LSAMP: variants seen among roughly 807,000 people sequenced by gnomAD.
LSAMP encodes limbic system-associated membrane protein.
Under a neutral mutation model 38.6 loss-of-function variants are expected in LSAMP, and 7 were observed. The ratio of observed to expected loss-of-function variants is 0.18; its 90% CI spans 0.10 to 0.34. LSAMP has a LOEUF of 0.34. LSAMP is among the 10% of genes least tolerant of loss of function. The pLI is 1.00. For synonymous variants in LSAMP, 154 were observed against 166.8 expected (o/e 0.92, Z 0.59); for missense variants, 313 against 420.0 (o/e 0.75, Z 2.23).
intron 1 of LSAMP, among the ~76,000 whole-genome samples, chr3:116,152,333 A>G (rs1286510591): frequency 6.6e-6 from 1 of 152,142 alleles, no homozygotes; most frequent in Non-Finnish European, 1.5e-5. Flanking sequence ...ATTTATCTGC[A>G]ATCGGTACCC....
At chr3:115,869,763 T>C (rs16824191) in intron 3 of LSAMP, among the ~76,000 whole-genome samples, 3,497 of 152,228 alleles carry the variant, frequency 0.023, 54 homozygotes, top group Non-Finnish European at 0.034. Flanking sequence ...ACTTGTAAAA[T>C]GTTAGATTGT....
At chr3:116,325,603 C>T (rs2047759949) in intron 1 of LSAMP, among the ~76,000 whole-genome samples, 1 of 152,152 alleles carries the variant, frequency 6.6e-6, no homozygotes, top group Admixed American at 6.6e-5. Flanking sequence ...AACAGAAGAT[C>T]TCACCATCCT....
chr3:115,828,430 G>C (rs536175136), intron 6 of LSAMP, among the ~76,000 whole-genome samples: 1 of 152,256 alleles, frequency 6.6e-6, no homozygotes, highest in South Asian at 2.1e-4. Flanking sequence ...CCAGAACTAA[G>C]TTCCCAAAGG....
At chr3:116,394,130 T>C (rs2048738638) in intron 1 of LSAMP, among the ~76,000 whole-genome samples, 1 of 152,204 alleles carries the variant, frequency 6.6e-6, no homozygotes. Flanking sequence ...ACCCCACATG[T>C]ATCGGGTTAG....
chr3:116,244,857 T>C (rs2046584885), intron 1 of LSAMP, among the ~76,000 whole-genome samples: 1 of 152,226 alleles, frequency 6.6e-6, no homozygotes, highest in Admixed American at 6.5e-5. Context: ...AGAAATATAT[T>C]TCTCCTATTT....
At chr3:115,814,047 A>G (rs532068944) in intron 6 of LSAMP, 13 of 152,340 alleles carry the variant, frequency 8.5e-5, no homozygotes, top group Admixed American at 3.9e-4. Flanking sequence ...TATGTGTGTT[A>G]TATATGTGCA....
chr3:115,865,406 A>T lies in LSAMP; in HGVS notation c.515-12789T>A, dbSNP rs1935828404. 4.6e-5 allele frequency among the ~76,000 whole-genome samples: 7 copies of T among 152,192 alleles called. No homozygotes were observed. In the South Asian group the frequency reaches 1.4e-3, roughly 32 times the overall value. ...TAAAAGGATTCTTTAGTTTCCAGAAAATAAGTCTCTGTAGATGTCTTTTTC... is the reference window on the plus strand; with the variant it reads ...TAAAAGGATTCTTTAGTTTCCAGAATATAAGTCTCTGTAGATGTCTTTTTC... On this transcript the variant is annotated intron_variant, in intron 3 of 6. Transcript: ENST00000490035.
intron 3 of LSAMP, among the ~76,000 whole-genome samples, chr3:115,974,269 G>C (rs759440228): frequency 2.6e-5 from 4 of 151,978 alleles, no homozygotes; most frequent in Non-Finnish European, 5.9e-5. Context: ...GCTTGAACCC[G>C]GGAAGAGGGA....
chr3:116,322,131 A>C (rs1164509615), intron 1 of LSAMP, among the ~76,000 whole-genome samples: 4 of 152,198 alleles, frequency 2.6e-5, no homozygotes, highest in Non-Finnish European at 5.9e-5. Context: ...TGATCAACAG[A>C]AAGGGTCAGG....
At chr3:116,131,629 C>G (rs1709136653) in intron 1 of LSAMP, among the ~76,000 whole-genome samples, 1 of 152,098 alleles carries the variant, frequency 6.6e-6, no homozygotes, top group South Asian at 2.1e-4. Context: ...AAAAAGTGGT[C>G]ATCCTACATT....
chr3:116,211,512 G>C (rs1175601190), intron 1 of LSAMP, among the ~76,000 whole-genome samples: 1 of 152,102 alleles, frequency 6.6e-6, no homozygotes, highest in Non-Finnish European at 1.5e-5. Context: ...CAATAACCAA[G>C]ACTCTATTAA....
intron 1 of LSAMP, among the ~76,000 whole-genome samples, chr3:116,170,585 C>G: frequency 6.6e-6 from 1 of 152,216 alleles, no homozygotes; most frequent in Admixed American, 6.6e-5. Flanking sequence ...ACTTGCTATA[C>G]GATTGTGGCG....
intron 3 of LSAMP, among the ~76,000 whole-genome samples, chr3:115,957,087 T>A (rs2107587384): frequency 6.6e-6 from 1 of 152,340 alleles, no homozygotes; most frequent in Middle Eastern, 3.4e-3. Flanking sequence ...TCCACTCCTC[T>A]TTGTGAATAT....
At chr3:115,956,367 A>C (rs1938455442) in intron 3 of LSAMP, among the ~76,000 whole-genome samples, 1 of 151,612 alleles carries the variant, frequency 6.6e-6, no homozygotes. Context: ...TTCCAGTTGT[A>C]GTCCATCTAG....
At chr3:115,810,888 C>T (rs778485333) in intron 6 of LSAMP, among the ~76,000 whole-genome samples, 38 of 152,068 alleles carry the variant, frequency 2.5e-4, no homozygotes, top group Non-Finnish European at 3.8e-4. Flanking sequence ...CCTCTGTCCC[C>T]GGGGGGAGGC....
chr3:116,383,948 T>A (rs960673796), intron 1 of LSAMP, among the ~76,000 whole-genome samples: 25 of 152,122 alleles, frequency 1.6e-4, no homozygotes, highest in Admixed American at 1.4e-3. Flanking sequence ...TATTGGTGTC[T>A]AACAGCTGCA....
intron 1 of LSAMP, among the ~76,000 whole-genome samples, chr3:116,377,232 A>C (rs183788793): frequency 9.2e-5 from 14 of 151,680 alleles, no homozygotes; most frequent in Non-Finnish European, 1.5e-4. Context: ...CCCTTCCCCA[A>C]CCCCACCCTT....
At chr3:116,131,984 C>T (rs112695361) in intron 1 of LSAMP, among the ~76,000 whole-genome samples, 1,956 of 151,956 alleles carry the variant, frequency 0.013, 36 homozygotes, top group African/African-American at 0.045. Flanking sequence ...CACACTACCA[C>T]GCCCAGCTAA....
chr3:115,833,830 C>T (rs1339043376), intron 6 of LSAMP, among the ~76,000 whole-genome samples: 1 of 152,034 alleles, frequency 6.6e-6, no homozygotes, highest in African/African-American at 2.4e-5. Context: ...AGGTTGGTTT[C>T]ATTTCAGATT....
Sources: gnomAD v4.1 joint callset for allele counts (sites outside exome capture counted in the v4.1 genomes callset) on GRCh38, gnomAD v4.1.1 for gene constraint, MANE v1.5 for transcripts, NCBI Gene and HGNC (gene_info 2026-07-23, HGNC 2026-07-21) for gene names.